The following ROBO1 variants were observed in gnomAD, a reference collection of about 807,000 sequenced individuals.
ROBO1 encodes roundabout guidance receptor 1.
In ROBO1, 149 loss-of-function variants were observed where a neutral mutation model predicts 195.9. The observed-to-expected ratio is 0.76, with a 90% CI of 0.67 to 0.87. ROBO1 has a LOEUF of 0.87. Ranked by LOEUF, ROBO1 falls within the 40% of genes least tolerant of loss-of-function variation. The pLI, the probability that ROBO1 is intolerant of heterozygous loss-of-function variation, is 0.00. For synonymous variants in ROBO1, 816 were observed against 733.2 expected (o/e 1.11, Z -1.82); for missense variants, 1,933 against 2,068.3 (o/e 0.93, Z 1.27).
At chr3:79,091,600 GA>G (rs1559652301) in intron 3 of ROBO1, among the ~76,000 whole-genome samples, 1 of 151,910 alleles carries the variant, frequency 6.6e-6, no homozygotes. Flanking sequence ...AGAAACAAGC[GA>G]AAGAAAAATA....
At chr3:78,626,074 A>G (rs1278907588) in intron 26 of ROBO1, among the ~76,000 whole-genome samples, 2 of 152,162 alleles carry the variant, frequency 1.3e-5, no homozygotes, top group Admixed American at 6.5e-5. Context: ...CTAGCCAGAA[A>G]GAAAATATTG....
At chr3:78,722,865 T>C (rs1253249842) in intron 5 of ROBO1, among the ~76,000 whole-genome samples, 1 of 152,100 alleles carries the variant, frequency 6.6e-6, no homozygotes, top group African/African-American at 2.4e-5. Context: ...CCTATTAATA[T>C]ATAACTCTAA....
At chr3:78,861,801 T>C (rs999213836) in intron 4 of ROBO1, among the ~76,000 whole-genome samples, 6 of 152,208 alleles carry the variant, frequency 3.9e-5, no homozygotes, top group African/African-American at 7.2e-5. Context: ...TCTAGAAATA[T>C]ATAGATTTTA....
chr3:79,261,085 A>C (rs1012006926), intron 2 of ROBO1, among the ~76,000 whole-genome samples: 6 of 152,084 alleles, frequency 3.9e-5, no homozygotes, highest in Non-Finnish European at 8.8e-5. Context: ...TTCCCTACAG[A>C]AAAGACCCTG....
intron 3 of ROBO1, among the ~76,000 whole-genome samples, chr3:78,991,842 C>A (rs140588668): frequency 3.2e-4 from 48 of 151,616 alleles, no homozygotes; most frequent in African/African-American, 1.1e-3. Flanking sequence ...ACATTGACAC[C>A]AGAGGAAATG....
At chr3:79,258,100 C>T (rs989516077) in intron 2 of ROBO1, among the ~76,000 whole-genome samples, 1 of 152,110 alleles carries the variant, frequency 6.6e-6, no homozygotes, top group Non-Finnish European at 1.5e-5. Context: ...ATGACTTCAA[C>T]CAGATGCTAA....
chr3:79,673,480 G>A (rs1297258811), intron 1 of ROBO1, among the ~76,000 whole-genome samples: 1 of 151,914 alleles, frequency 6.6e-6, no homozygotes, highest in Non-Finnish European at 1.5e-5. Context: ...CATGAATGTG[G>A]CCAGTGCCAA....
chr3:79,165,760 T>A (rs1576760290), intron 2 of ROBO1, among the ~76,000 whole-genome samples: 1 of 152,320 alleles, frequency 6.6e-6, no homozygotes, highest in African/African-American at 2.4e-5. Flanking sequence ...GTTCTTTTGA[T>A]ATGTCAGCTT....
chr3:79,464,476 A>T (rs1393686962), intron 2 of ROBO1, among the ~76,000 whole-genome samples: 1 of 152,094 alleles, frequency 6.6e-6, no homozygotes, highest in African/African-American at 2.4e-5. Flanking sequence ...ATGTGAAGAG[A>T]TATCTCGTTT....
intron 2 of ROBO1, among the ~76,000 whole-genome samples, chr3:79,338,457 T>C (rs1291360794): frequency 1.3e-5 from 2 of 152,206 alleles, no homozygotes; most frequent in Non-Finnish European, 2.9e-5. Context: ...TGTCAGAATA[T>C]TATATCACCT....
chr3:78,859,087 G>A (rs781112113), intron 4 of ROBO1, among the ~76,000 whole-genome samples: 1 of 152,250 alleles, frequency 6.6e-6, no homozygotes, highest in Non-Finnish European at 1.5e-5. Context: ...GACTACAGCA[G>A]GGAGACTGGA....
At chr3:78,750,249 C>T (rs993519644) in intron 4 of ROBO1, among the ~76,000 whole-genome samples, 2 of 151,774 alleles carry the variant, frequency 1.3e-5, no homozygotes, top group Admixed American at 6.6e-5. Context: ...GTCAGGAGAT[C>T]GAGACCATCC....
intron 4 of ROBO1, among the ~76,000 whole-genome samples, chr3:78,890,819 T>C (rs559526324): frequency 6.6e-6 from 1 of 152,258 alleles, no homozygotes; most frequent in East Asian, 1.9e-4. Flanking sequence ...TGGAGTGCTA[T>C]AGCACAATCA....
chr3:78,949,733 A>C (rs927387322), intron 3 of ROBO1, among the ~76,000 whole-genome samples: 8 of 152,138 alleles, frequency 5.3e-5, no homozygotes, highest in South Asian at 2.1e-4. Context: ...CAACCTACAG[A>C]ATGGGAGAAA....
At chr3:79,153,399 A>C (rs2080806587) in intron 2 of ROBO1, among the ~76,000 whole-genome samples, 2 of 151,778 alleles carry the variant, frequency 1.3e-5, no homozygotes, top group African/African-American at 4.8e-5. Flanking sequence ...TCCATGTTCC[A>C]AGCAATTTAA....
intron 1 of ROBO1, among the ~76,000 whole-genome samples, chr3:79,641,008 T>C (rs750628038): frequency 5.9e-5 from 9 of 152,120 alleles, no homozygotes; most frequent in Admixed American, 1.3e-4. Flanking sequence ...ATAACTGAAA[T>C]TAAACTCAAC....
chr3:78,667,611 T>A (rs1477568399), intron 14 of ROBO1, among the ~76,000 whole-genome samples: 1 of 152,090 alleles, frequency 6.6e-6, no homozygotes, highest in Non-Finnish European at 1.5e-5. Context: ...ACTTTCCATC[T>A]CCTCACGTAA....
rs765848761 is a variant in ROBO1, at chr3:78,657,282, C to T, written c.2443-13G>A. On this transcript the variant is annotated splice_polypyrimidine_tract_variant and intron_variant, in intron 17 of 30. Coordinates refer to ENST00000464233, the MANE Select transcript of ROBO1 (RefSeq NM_002941.4). ...CCAGACACCAAACCTGTAAGAAGCA[C>T]ATCACAAAAATCAAGCTGGTAAATT... 6.2e-6 allele frequency: 10 copies of T among 1,612,060 alleles called. No individual in the cohort carries two copies. The Admixed American group carries it at 6.7e-5, about 11-fold the overall frequency.
intron 2 of ROBO1, among the ~76,000 whole-genome samples, chr3:79,245,334 T>G (rs892901693): frequency 3.3e-5 from 5 of 152,142 alleles, no homozygotes; most frequent in African/African-American, 1.2e-4. Flanking sequence ...TTATACTTCA[T>G]ACAGGATTTG....
Sources: allele counts gnomAD v4.1 joint callset (sites outside exome capture counted in the v4.1 genomes callset), GRCh38; gene constraint gnomAD v4.1.1; transcripts MANE v1.5; gene names NCBI Gene and HGNC (gene_info 2026-07-23, HGNC 2026-07-21).